KDR: variants seen among roughly 807,000 people sequenced by gnomAD.
KDR encodes vascular endothelial growth factor receptor 2.
In KDR, 43 loss-of-function variants were observed where a neutral mutation model predicts 160.9. The observed-to-expected ratio is 0.27, with a 90% CI of 0.21 to 0.34. KDR has a LOEUF of 0.34. Ranked by LOEUF, KDR falls within the 10% of genes least tolerant of loss-of-function variation. The probability of loss-of-function intolerance (pLI) is 1.00; values close to 1 mark genes in which losing one functional copy is unlikely to be tolerated. For synonymous variants in KDR, 617 were observed against 600.1 expected (o/e 1.03, Z -0.41); for missense variants, 1,469 against 1,666.4 (o/e 0.88, Z 2.06).
At chr4:55,083,402 G>C (rs1719784461) in intron 27 of KDR, among the ~76,000 whole-genome samples, 1 of 152,170 alleles carries the variant, frequency 6.6e-6, no homozygotes, top group South Asian at 2.1e-4. Flanking sequence ...TTGGGAAGAT[G>C]AATGACATAG....
intron 3 of KDR, 86 bp downstream of exon 3, chr4:55,118,518 T>G: frequency 9.5e-7 from 1 of 1,048,744 alleles, no homozygotes; most frequent in Non-Finnish European, 1.5e-6. Flanking sequence ...GAGCAAGCCC[T>G]TTGTTGTACT....
chr4:55,113,469 T>C lies in KDR; in HGVS notation c.811A>G (p.Lys271Glu). 3 of 1,613,990 alleles carry C rather than the reference T, an allele frequency of 1.9e-6. No homozygotes were observed. Among genetic ancestry groups the C allele is most frequent in the Non-Finnish European group, 2.5e-6 (3 of 1,179,904 alleles). ...GTTTTTAGGTCTCGGTTTACAAGTTTCTTATGCTGATGCTGAAAAAAAGAG... is the reference window on the plus strand; with the variant it reads ...GTTTTTAGGTCTCGGTTTACAAGTTCCTTATGCTGATGCTGAAAAAAAGAG... ...EYPSSKHQHK[K>E]LVNRDLKTQS... Residue 271 changes from lysine to glutamate, a missense_variant, in exon 7 of 30, where the codon AAA becomes GAA. Physicochemically the swap from Lys to Glu is moderately conservative, Grantham distance 56 (BLOSUM62 1). Transcript: ENST00000263923.
At chr4:55,121,062 A>G (rs1720859724) in intron 2 of KDR, 35 bp downstream of exon 2, 1 of 1,411,966 alleles carries the variant, frequency 7.1e-7, no homozygotes, top group African/African-American at 1.4e-5. Flanking sequence ...TCAGTTACTT[A>G]ACACAAGAAA....
At chr4:55,119,872 T>C (rs1031332627) in intron 2 of KDR, among the ~76,000 whole-genome samples, 1 of 152,170 alleles carries the variant, frequency 6.6e-6, no homozygotes, top group Non-Finnish European at 1.5e-5. Context: ...AATGTAACAT[T>C]ATTGGCCCTT....
intron 1 of KDR, among the ~76,000 whole-genome samples, chr4:55,124,339 A>T (rs1720974362): frequency 6.6e-6 from 1 of 152,158 alleles, no homozygotes; most frequent in Non-Finnish European, 1.5e-5. Context: ...GAGAAAGGAA[A>T]GTGAGGAAGA....
chr4:55,114,705 A>G (rs1720688155), intron 5 of KDR, among the ~76,000 whole-genome samples, 169 bp downstream of exon 5: 1 of 152,212 alleles, frequency 6.6e-6, no homozygotes, highest in African/African-American at 2.4e-5. Context: ...AAAAGAGACA[A>G]CCTCAATTGC....
At chr4:55,108,469 C>T (rs1025835671) in intron 9 of KDR, among the ~76,000 whole-genome samples, 21 of 152,108 alleles carry the variant, frequency 1.4e-4, no homozygotes, top group African/African-American at 4.1e-4. Flanking sequence ...TTAATCCTCA[C>T]AACCACTATT....
intron 10 of KDR, 74 bp downstream of exon 10, chr4:55,107,663 A>T: frequency 6.3e-7 from 1 of 1,594,248 alleles, no homozygotes; most frequent in Non-Finnish European, 8.6e-7. Flanking sequence ...TCCATTTAGG[A>T]TGGAGTCATA....
chr4:55,117,419 G>A (rs1374715862), intron 3 of KDR, among the ~76,000 whole-genome samples: 2 of 152,228 alleles, frequency 1.3e-5, no homozygotes, highest in Non-Finnish European at 2.9e-5. Context: ...AATTCTCCAA[G>A]ATGTGAGCCT....
chr4:55,085,991 T>C (rs1719853961), intron 27 of KDR, among the ~76,000 whole-genome samples: 1 of 152,204 alleles, frequency 6.6e-6, no homozygotes, highest in Non-Finnish European at 1.5e-5. Context: ...ACATGGAATG[T>C]AGTTCATGAT....
chr4:55,089,607 T>C (rs1719956653), intron 24 of KDR, 84 bp downstream of exon 24: 1 of 1,384,784 alleles, frequency 7.2e-7, no homozygotes, highest in African/African-American at 1.4e-5. Context: ...TTTTGCCTGA[T>C]AGACATGAAG....
chr4:55,079,645 G>A lies in KDR; in HGVS notation c.*296C>T, dbSNP rs137934321. ...TTGAGGATGGGGCCATTTCTTGAACGTCTTTGTTCTAAACCCATGGTGAGA... is the reference window on the plus strand; with the variant it reads ...TTGAGGATGGGGCCATTTCTTGAACATCTTTGTTCTAAACCCATGGTGAGA... On this transcript the variant is annotated 3_prime_UTR_variant, in exon 30 of 30. Transcript: ENST00000263923. The A allele has an allele frequency of 6.5e-5, 30 of 461,400 alleles. No homozygotes were observed. Among genetic ancestry groups the A allele is most frequent in the African/African-American group, 5.2e-4 (27 of 51,444 alleles). The allele number at this position is 461,400 out of a possible 1,614,324, so 28.6% of individuals were successfully genotyped here.
chr4:55,123,922 C>T (rs1720960643), intron 1 of KDR, among the ~76,000 whole-genome samples: 1 of 152,222 alleles, frequency 6.6e-6, no homozygotes, highest in South Asian at 2.1e-4. Flanking sequence ...GACCGGCCTG[C>T]CGTTACTACT....
Position 55,101,985 on chromosome 4 carries a change from T to G in KDR, c.2178A>C (p.Arg726Ser). ...KDGNRNLTIR[R>S]VRKEDEGLYT... ...AGAGGCCTTCGTCCTCCTTCCTCAC[T>G]CTGCGGATAGTGAGGTTCCGGTTCC... The change falls in exon 15 of 30, where the codon AGA becomes AGC. Residue 726 changes from arginine (R) to serine (S), a missense_variant. By Grantham distance (110) the Arg-to-Ser change is moderately radical. Coordinates refer to ENST00000263923, the MANE Select transcript of KDR (RefSeq NM_002253.4). 6.2e-7 allele frequency: 1 copy of G among 1,613,670 alleles called. No homozygotes were observed. The highest frequency in any genetic ancestry group is 8.5e-7 in the Non-Finnish European group (1 of 1,179,710).
Position 55,123,826 on chromosome 4 carries a change from T to C in KDR, c.67+1401A>G, listed in dbSNP as rs78483660. ...GGAAAAACAACAGTGCCTCTGTCTC[T>C]AGAATTTGATGGCACCAATTACAGC... On this transcript the variant is annotated intron_variant, in intron 1 of 29. Transcript: ENST00000263923. Among the ~76,000 whole-genome samples, 799 of 152,340 alleles carry C rather than the reference T, an allele frequency of 5.2e-3. 8 individuals carry two copies. The highest frequency in any genetic ancestry group is 0.018 in the African/African-American group (760 of 41,578).
In KDR at chr4:55,078,659, T is replaced by C; in HGVS notation, c.*1282A>G. The C allele has an allele frequency of 4.3e-6, 1 of 232,816 alleles. No homozygotes were observed. Among genetic ancestry groups the C allele is most frequent in the Non-Finnish European group, 8.5e-6 (1 of 117,786 alleles). 14.4% of individuals were successfully genotyped at this position (232,816 alleles called of 1,614,324 possible). ...GACTATAAATATATGTGCCATAGCA[T>C]GTCTTATAGTCATTGTTCCCAGCAT... On this transcript the variant is annotated 3_prime_UTR_variant, in exon 30 of 30. Coordinates refer to ENST00000263923, the MANE Select transcript of KDR (RefSeq NM_002253.4).
In KDR at chr4:55,079,500, G is replaced by A. The variant is rs1292004521; in HGVS notation, c.*441C>T. 1 of 313,180 alleles carries A rather than the reference G, an allele frequency of 3.2e-6. No homozygotes were observed. Among genetic ancestry groups the A allele is most frequent in the East Asian group, 4.6e-5 (1 of 21,586 alleles). 19.4% of individuals were successfully genotyped at this position (313,180 alleles called of 1,614,324 possible). A position where few individuals can be genotyped will look rare whatever the true frequency, so the allele number is the denominator to read the frequency against. On this transcript the variant is annotated 3_prime_UTR_variant, in exon 30 of 30. Coordinates refer to ENST00000263923, the MANE Select transcript of KDR (RefSeq NM_002253.4). ...GCTTGGGACCCACGTCCTAAACAAA[G>A]CCTCTTGGATAGACTCAGCCCTGCA...
chr4:55,089,071 G>A (rs1719941878), intron 25 of KDR, 98 bp from the exon 26 acceptor site: 3 of 838,032 alleles, frequency 3.6e-6, no homozygotes, highest in Non-Finnish European at 6.1e-6. Flanking sequence ...GAGCTGACGA[G>A]GTGAGATGCT....
At position 55,106,145 on chromosome 4, in the gene KDR, A is replaced by AT. The variant is rs879318934; in HGVS notation, c.1537-206dup. ...GGACCAAAAGTGGTTTGGATTTTGG[A>AT]TTTTTTTTTTTGGATTTTGGAATAT... On this transcript the variant is annotated intron_variant, in intron 11 of 29. Coordinates refer to ENST00000263923, the MANE Select transcript of KDR (RefSeq NM_002253.4). 9.0e-3 allele frequency among the ~76,000 whole-genome samples: 1,326 copies of AT among 147,654 alleles called. 18 individuals are homozygous for AT. Among genetic ancestry groups the AT allele is most frequent in the African/African-American group, 0.02 (796 of 40,470 alleles).
Sources: allele counts gnomAD v4.1 joint callset (sites outside exome capture counted in the v4.1 genomes callset), GRCh38; gene constraint gnomAD v4.1.1; transcripts MANE v1.5; gene names NCBI Gene and HGNC (gene_info 2026-07-23, HGNC 2026-07-21).